The following ARHGAP40 variants were observed in gnomAD, a reference collection of about 807,000 sequenced individuals.
ARHGAP40 encodes the protein rho GTPase-activating protein 40.
ARHGAP40 carries 43 observed loss-of-function variants against 73.5 expected under a neutral mutation model. That is an observed-to-expected ratio of 0.58 (90% CI 0.46 to 0.75). The LOEUF (loss-of-function observed/expected upper bound fraction) is 0.75. Among genes scored for constraint, ARHGAP40 ranks in the 30% least tolerant of loss-of-function variants. ARHGAP40 has a pLI of 0.00. For missense variants in ARHGAP40, 734 were observed against 861.8 expected, an observed-to-expected ratio of 0.85 and a Z score of 1.86; for synonymous variants, 300 against 352.8, an observed-to-expected ratio of 0.85 and a Z score of 1.68.
intron 2 of ARHGAP40, 115 bp from the exon 3 acceptor site, chr20:38,626,880 T>C (rs1486311567): frequency 2.0e-5 from 15 of 750,576 alleles, no homozygotes; most frequent in Admixed American, 3.0e-5. Flanking sequence ...CACGATCAGA[T>C]ATGCAGAAAC....
At chr20:38,627,062 G>A (rs765821661) in exon 3 of ARHGAP40, 1 of 1,305,348 alleles carries the variant, frequency 7.7e-7, no homozygotes, top group South Asian at 1.2e-5. Context: ...GCCTGGGCTT[G>A]GATGGTGATC....
chr20:38,616,509 C>T (rs2088840125), intron 1 of ARHGAP40, among the ~76,000 whole-genome samples: 1 of 152,206 alleles, frequency 6.6e-6, no homozygotes, highest in Non-Finnish European at 1.5e-5. Context: ...GAAAAGAAAA[C>T]ATTCACAATT....
chr20:38,635,102 G>C (rs2088966100), intron 6 of ARHGAP40, among the ~76,000 whole-genome samples: 1 of 151,894 alleles, frequency 6.6e-6, no homozygotes, highest in African/African-American at 2.4e-5. Context: ...GGATGGTCTT[G>C]GTCTCTTGAC....
In ARHGAP40 at chr20:38,638,684, A is replaced by T. The variant is rs2088993403; in HGVS notation, c.1042-77A>T. On this transcript the variant is annotated intron_variant, in intron 7 of 14. Transcript: ENST00000373345. ...TGGTACTCCCCTCTTTCTGATTTTCATGGGAGACAAACACACCATTTTGAA... is the reference window on the plus strand; with the variant it reads ...TGGTACTCCCCTCTTTCTGATTTTCTTGGGAGACAAACACACCATTTTGAA... 6 of 1,120,840 alleles carry T rather than the reference A, an allele frequency of 5.4e-6. No homozygotes were observed. The Admixed American group carries it at 1.4e-4, about 27-fold the overall frequency. 69.4% of individuals were successfully genotyped at this position (1,120,840 alleles called of 1,614,324 possible). A position where few individuals can be genotyped will look rare whatever the true frequency, so the allele number is the denominator to read the frequency against.
At chr20:38,613,397 C>G (rs558702093) in intron 1 of ARHGAP40, among the ~76,000 whole-genome samples, 1 of 152,278 alleles carries the variant, frequency 6.6e-6, no homozygotes, top group South Asian at 2.1e-4. Context: ...TTCTCTGAAC[C>G]CCAGCAACAT....
rs975996842 is a variant in ARHGAP40, at chr20:38,629,493, GC to G, written c.635-5del. On this transcript the variant is annotated splice_region_variant and splice_polypyrimidine_tract_variant and intron_variant, in intron 4 of 14. Transcript: ENST00000373345. ...TGCCTTTCTCTGCTTTGTTTCCCCC[GC>G]CCCGCAGCAGCAGAGCCTGGGGGGC... The G allele has an allele frequency of 1.5e-6, 2 of 1,305,132 alleles. No individual in the cohort carries two copies. Among genetic ancestry groups the G allele is most frequent in the African/African-American group, 1.5e-5 (1 of 65,956 alleles). The allele number at this position is 1,305,132 out of a possible 1,614,324, so 80.8% of individuals were successfully genotyped here.
intron 5 of ARHGAP40, among the ~76,000 whole-genome samples, chr20:38,632,421 C>T (rs1277946832): frequency 2.0e-5 from 3 of 151,964 alleles, no homozygotes; most frequent in African/African-American, 7.2e-5. Flanking sequence ...GCCACCATGC[C>T]TGGCTAATTT....
intron 1 of ARHGAP40, among the ~76,000 whole-genome samples, chr20:38,604,809 A>G (rs2088761464): frequency 6.6e-6 from 1 of 152,168 alleles, no homozygotes; most frequent in Non-Finnish European, 1.5e-5. Flanking sequence ...CAGGTATCCC[A>G]AATGTTTTTT....
chr20:38,625,139 G>A (rs895630847), intron 2 of ARHGAP40, among the ~76,000 whole-genome samples: 7 of 152,270 alleles, frequency 4.6e-5, no homozygotes, highest in African/African-American at 1.4e-4. Flanking sequence ...GTCTCATGCA[G>A]TGCCTCCAAG....
chr20:38,634,875 T>C (rs1372616203), intron 6 of ARHGAP40, 90 bp downstream of exon 6: 1 of 1,147,526 alleles, frequency 8.7e-7, no homozygotes, highest in Non-Finnish European at 1.1e-6. Flanking sequence ...TGCTCAGCTT[T>C]GTCTTTCTTT....
At chr20:38,627,285 G>A in intron 3 of ARHGAP40, 70 bp downstream of exon 3, 3 of 1,249,976 alleles carry the variant, frequency 2.4e-6, no homozygotes, top group Middle Eastern at 2.6e-4. Flanking sequence ...CAGCCTGAGA[G>A]ATGCAGTGAT....
chr20:38,638,901 A>G, intron 8 of ARHGAP40, 63 bp downstream of exon 8: 1 of 1,270,406 alleles, frequency 7.9e-7, no homozygotes, highest in Non-Finnish European at 1.0e-6. Context: ...ATGTGTGTTA[A>G]GCCGGGAGGG....
intron 5 of ARHGAP40, among the ~76,000 whole-genome samples, chr20:38,632,033 G>C (rs1415247233): frequency 2.0e-5 from 3 of 151,516 alleles, no homozygotes; most frequent in Non-Finnish European, 4.4e-5. Context: ...GCAAAACCTC[G>C]GCTCACTACA....
chr20:38,614,052 C>T (rs1473447356), intron 1 of ARHGAP40, among the ~76,000 whole-genome samples: 1 of 152,218 alleles, frequency 6.6e-6, no homozygotes, highest in East Asian at 1.9e-4. Flanking sequence ...CATCCCAACC[C>T]TGTTGCCACA....
intron 2 of ARHGAP40, among the ~76,000 whole-genome samples, chr20:38,625,210 G>A (rs114071058): frequency 1.1e-3 from 169 of 152,352 alleles, no homozygotes; most frequent in African/African-American, 3.8e-3. Flanking sequence ...CCCTGCATAG[G>A]AGGTCCTCCA....
intron 1 of ARHGAP40, among the ~76,000 whole-genome samples, chr20:38,618,732 G>A (rs2088857584): frequency 6.6e-6 from 1 of 152,140 alleles, no homozygotes; most frequent in Non-Finnish European, 1.5e-5. Flanking sequence ...CTTGGCCTGA[G>A]CTTCTCAACA....
At chr20:38,641,176 C>A (rs565097292) in intron 9 of ARHGAP40, among the ~76,000 whole-genome samples, 1 of 152,136 alleles carries the variant, frequency 6.6e-6, no homozygotes, top group Non-Finnish European at 1.5e-5. Context: ...CTGTCTCCTA[C>A]GCAGCTCTTC....
intron 5 of ARHGAP40, among the ~76,000 whole-genome samples, chr20:38,630,441 A>C (rs2145606427): frequency 6.6e-6 from 1 of 151,966 alleles, no homozygotes; most frequent in African/African-American, 2.4e-5. Flanking sequence ...GGCTGGTCTC[A>C]AACTCCTGGG....
chr20:38,627,035 G>C, exon 3 of ARHGAP40: 1 of 1,305,064 alleles, frequency 7.7e-7, no homozygotes. Context: ...ACACAGGCCT[G>C]TCGGGCCTCC....
Sources: gnomAD v4.1 joint callset for allele counts (sites outside exome capture counted in the v4.1 genomes callset) on GRCh38, gnomAD v4.1.1 for gene constraint, MANE v1.5 for transcripts, NCBI Gene and HGNC (gene_info 2026-07-23, HGNC 2026-07-21) for gene names.